Variants in AUTS2 observed in about 807,000 individuals in gnomAD.
The protein encoded by AUTS2 is activator of transcription and developmental regulator AUTS2.
A neutral mutation model predicts 112.4 loss-of-function variants in AUTS2; 17 were observed. That is an observed-to-expected ratio of 0.15 (90% CI 0.10 to 0.23). AUTS2 has a LOEUF of 0.23. AUTS2 is among the 10% of genes least tolerant of loss of function. The pLI, the probability that AUTS2 is intolerant of heterozygous loss-of-function variation, is 1.00. For synonymous variants in AUTS2, 751 were observed against 702.7 expected (o/e 1.07, Z -1.09); for missense variants, 1,510 against 1,701.6 (o/e 0.89, Z 1.98).
intron 1 of AUTS2, among the ~76,000 whole-genome samples, chr7:69,757,794 T>G (rs1369379299): frequency 2.6e-5 from 4 of 152,196 alleles, no homozygotes; most frequent in African/African-American, 9.6e-5. Context: ...ATGAACTTAC[T>G]AAAACCCAGG....
chr7:69,621,537 A>T (rs1793664040), intron 1 of AUTS2, among the ~76,000 whole-genome samples: 2 of 152,188 alleles, frequency 1.3e-5, no homozygotes, highest in Admixed American at 6.5e-5. Flanking sequence ...TAGAACAGGG[A>T]TGTGGAACCC....
intron 4 of AUTS2, among the ~76,000 whole-genome samples, chr7:70,420,521 T>C (rs1465132093): frequency 1.3e-5 from 2 of 152,146 alleles, no homozygotes; most frequent in Non-Finnish European, 2.9e-5. Context: ...AAGTACATAA[T>C]AAAGCCTAAG....
chr7:70,729,733 T>A (rs1787255392), intron 6 of AUTS2, among the ~76,000 whole-genome samples: 1 of 152,220 alleles, frequency 6.6e-6, no homozygotes, highest in Admixed American at 6.5e-5. Context: ...TCAAGTGCCC[T>A]CCTCTTTCAG....
chr7:70,225,907 C>T (rs1342348689), intron 4 of AUTS2, among the ~76,000 whole-genome samples: 1 of 152,024 alleles, frequency 6.6e-6, no homozygotes, highest in Non-Finnish European at 1.5e-5. Flanking sequence ...ATTAAAGTGT[C>T]CATCAAAATC....
chr7:69,960,973 C>T (rs890197042), intron 2 of AUTS2, among the ~76,000 whole-genome samples: 6 of 152,012 alleles, frequency 3.9e-5, no homozygotes, highest in East Asian at 1.9e-4. Context: ...GTCTTCTCAA[C>T]GAGACTGCCT....
intron 2 of AUTS2, among the ~76,000 whole-genome samples, chr7:69,973,736 T>C (rs1005042499): frequency 1.3e-5 from 2 of 152,174 alleles, no homozygotes; most frequent in African/African-American, 4.8e-5. Flanking sequence ...TAGAGTACAT[T>C]GCTTGATTTT....
chr7:70,791,124 A>G lies in AUTS2; in HGVS notation c.*128A>G, dbSNP rs946018468. Reference sequence around the variant, plus strand: ...AAGCCCCACCCCTTCCCCTTGTAAAAAATGTATAGACTCAGTGCACATTTT... The same window carrying G: ...AAGCCCCACCCCTTCCCCTTGTAAAGAATGTATAGACTCAGTGCACATTTT... On this transcript the variant is annotated 3_prime_UTR_variant, in exon 19 of 19. Coordinates refer to ENST00000342771, the MANE Select transcript of AUTS2 (RefSeq NM_015570.4). 4 of 943,638 alleles carry G rather than the reference A, an allele frequency of 4.2e-6. No individual in the cohort carries two copies. The highest frequency in any genetic ancestry group is 1.7e-5 in the African/African-American group (1 of 58,926). 58.5% of individuals were successfully genotyped at this position (943,638 alleles called of 1,614,324 possible). A position where few individuals can be genotyped will look rare whatever the true frequency, so the allele number is the denominator to read the frequency against.
At chr7:69,783,981 G>A in intron 1 of AUTS2, among the ~76,000 whole-genome samples, 1 of 152,108 alleles carries the variant, frequency 6.6e-6, no homozygotes, top group Non-Finnish European at 1.5e-5. Flanking sequence ...CATTTTACCA[G>A]GTGATTTGCT....
intron 4 of AUTS2, among the ~76,000 whole-genome samples, chr7:70,262,816 G>A (rs1787234638): frequency 6.6e-6 from 1 of 152,106 alleles, no homozygotes; most frequent in South Asian, 2.1e-4. Flanking sequence ...CCACAGTAGA[G>A]TCATGATGTT....
At chr7:70,687,363 G>A (rs1007284444) in intron 5 of AUTS2, among the ~76,000 whole-genome samples, 7 of 152,186 alleles carry the variant, frequency 4.6e-5, no homozygotes, top group African/African-American at 1.4e-4. Flanking sequence ...GACACGAGCA[G>A]GGATTGGATT....
intron 1 of AUTS2, among the ~76,000 whole-genome samples, chr7:69,718,873 TG>T (rs1425627827): frequency 1.3e-5 from 2 of 152,222 alleles, no homozygotes; most frequent in Non-Finnish European, 2.9e-5. Context: ...GAATGTGTCT[TG>T]TGCGAGTGGT....
At chr7:70,314,666 A>G (rs191146056) in intron 4 of AUTS2, among the ~76,000 whole-genome samples, 158 of 151,462 alleles carry the variant, frequency 1.0e-3, no homozygotes, top group African/African-American at 3.8e-3. Flanking sequence ...ATGTGTAGAT[A>G]GCTCTACCAA....
chr7:69,969,990 G>A (rs1287902727), intron 2 of AUTS2, among the ~76,000 whole-genome samples: 4 of 152,034 alleles, frequency 2.6e-5, no homozygotes, highest in Non-Finnish European at 2.9e-5. Context: ...AAAAACATTG[G>A]CATAAGAGAA....
In AUTS2 at chr7:69,770,528, C is replaced by T. The variant is rs562334721; in HGVS notation, c.310-128758C>T. Among the ~76,000 whole-genome samples the T allele has an allele frequency of 2.1e-4, 32 of 151,946 alleles. 1 individual carries two copies. The highest frequency in any genetic ancestry group is 1.0e-3 in the Admixed American group (16 of 15,276). On this transcript the variant is annotated intron_variant, in intron 1 of 18. Coordinates refer to ENST00000342771, the MANE Select transcript of AUTS2 (RefSeq NM_015570.4). ...TTGGCTCCAGCTGGAGCCAATTGGC[C>T]TGTTGGGCATGAGCTACATGGCATG...
At chr7:70,134,963 A>C (rs1806473948) in intron 4 of AUTS2, among the ~76,000 whole-genome samples, 1 of 152,162 alleles carries the variant, frequency 6.6e-6, no homozygotes, top group Admixed American at 6.6e-5. Flanking sequence ...ACATCTCTTC[A>C]TATACAATGA....
At chr7:70,780,618 C>T (rs1021112587) in intron 14 of AUTS2, among the ~76,000 whole-genome samples, 6 of 152,112 alleles carry the variant, frequency 3.9e-5, no homozygotes, top group African/African-American at 9.7e-5. Context: ...TCAGGCAGTC[C>T]GCCCGCCTTG....
At chr7:70,527,791 C>T (rs534830325) in intron 5 of AUTS2, among the ~76,000 whole-genome samples, 1 of 152,298 alleles carries the variant, frequency 6.6e-6, no homozygotes, top group East Asian at 1.9e-4. Flanking sequence ...TAAGATCGAA[C>T]TTGTGACTCC....
intron 3 of AUTS2, 31 bp downstream of exon 3, chr7:70,118,264 A>T (rs944588323): frequency 2.0e-6 from 3 of 1,529,136 alleles, no homozygotes; most frequent in Non-Finnish European, 2.6e-6. Context: ...AAAAAAAAAA[A>T]AAATTAACGA....
chr7:70,342,362 G>T (rs1585037478), intron 4 of AUTS2, among the ~76,000 whole-genome samples: 1 of 150,962 alleles, frequency 6.6e-6, no homozygotes, highest in Non-Finnish European at 1.5e-5. Flanking sequence ...CTTGCCAGAA[G>T]ATCGATGAGA....
Sources: allele counts gnomAD v4.1 joint callset (sites outside exome capture counted in the v4.1 genomes callset), GRCh38; gene constraint gnomAD v4.1.1; transcripts MANE v1.5; gene names NCBI Gene and HGNC (gene_info 2026-07-23, HGNC 2026-07-21).